The following BRINP3 variants were observed in gnomAD, a reference collection of about 807,000 sequenced individuals.
BRINP3 encodes the protein BMP/retinoic acid-inducible neural-specific protein 3.
BRINP3 carries 19 observed loss-of-function variants against 71.0 expected under a neutral mutation model. That is an observed-to-expected ratio of 0.27 (90% confidence interval 0.19 to 0.39). The LOEUF (loss-of-function observed/expected upper bound fraction) is 0.39, where lower values mean the gene tolerates loss of function less well. Among genes scored for constraint, BRINP3 ranks in the 10% least tolerant of loss-of-function variants. The probability of loss-of-function intolerance (pLI) is 1.00; values close to 1 mark genes in which losing one functional copy is unlikely to be tolerated. For missense variants in BRINP3, 959 were observed against 940.8 expected, an observed-to-expected ratio of 1.02 and a Z score of -0.25; for synonymous variants, 380 against 337.7, an observed-to-expected ratio of 1.13 and a Z score of -1.37.
At chr1:190,156,548 T>C (rs1373651766) in intron 7 of BRINP3, among the ~76,000 whole-genome samples, 2 of 151,966 alleles carry the variant, frequency 1.3e-5, no homozygotes, top group African/African-American at 2.4e-5. Flanking sequence ...CATTTCATAT[T>C]ATTCTTTTAA....
chr1:190,362,865 A>T (rs1343803721), intron 2 of BRINP3, among the ~76,000 whole-genome samples: 1 of 152,172 alleles, frequency 6.6e-6, no homozygotes, highest in Non-Finnish European at 1.5e-5. Context: ...TTTTATTTAT[A>T]AATTACCCAG....
At chr1:190,453,891 C>T (rs1213465178) in intron 2 of BRINP3, among the ~76,000 whole-genome samples, 1 of 152,082 alleles carries the variant, frequency 6.6e-6, no homozygotes, top group African/African-American at 2.4e-5. Context: ...AAGTCTATCA[C>T]CAATAAACAA....
At chr1:190,099,295 AATACAC>A in intron 7 of BRINP3, among the ~76,000 whole-genome samples, 161 bp from the exon 8 acceptor site, 1 of 69,918 alleles carries the variant, frequency 1.4e-5, no homozygotes, top group South Asian at 5.7e-4. Flanking sequence ...TAGACTATAT[AATACAC>A]ACACACACAC....
intron 4 of BRINP3, among the ~76,000 whole-genome samples, chr1:190,240,359 A>G (rs1658945326): frequency 6.6e-6 from 1 of 152,046 alleles, no homozygotes; most frequent in Non-Finnish European, 1.5e-5. Context: ...AAAGTTTGTT[A>G]AATTTATATA....
chr1:190,164,503 A>G (rs1354312755), intron 6 of BRINP3, among the ~76,000 whole-genome samples: 3 of 152,136 alleles, frequency 2.0e-5, no homozygotes, highest in Non-Finnish European at 4.4e-5. Context: ...AATTTATATT[A>G]ATATTGTGAA....
intron 1 of BRINP3, among the ~76,000 whole-genome samples, chr1:190,455,563 G>A (rs1675931144): frequency 6.6e-6 from 1 of 152,024 alleles, no homozygotes; most frequent in Non-Finnish European, 1.5e-5. Context: ...ATGAACAGAT[G>A]TGTGTGTGTG....
chr1:190,221,334 GT>G lies in BRINP3; in HGVS notation c.961+4747del, dbSNP rs1228411238. ...TTTGTCTTTGTTGTTTCTGTTCTTAGTTTGTTATCCAAGGTAAGTTGTCTTC... is the reference window on the plus strand; with the variant it reads ...TTTGTCTTTGTTGTTTCTGTTCTTAGTTGTTATCCAAGGTAAGTTGTCTTC... On this transcript the variant is annotated intron_variant, in intron 6 of 7. Coordinates refer to ENST00000367462, the MANE Select transcript of BRINP3 (RefSeq NM_199051.3). Among the ~76,000 whole-genome samples the G allele has an allele frequency of 3.2e-4, 48 of 152,096 alleles. 2 individuals are homozygous for G. Among genetic ancestry groups the G allele is most frequent in the Non-Finnish European group, 2.9e-5 (2 of 68,014 alleles).
rs978731107 is a variant in BRINP3 at position 190,397,463 on chromosome 1, T to C, written c.236+57192A>G. Among the ~76,000 whole-genome samples, 9 of 151,994 alleles carry C rather than the reference T, an allele frequency of 5.9e-5. No individual in the cohort carries two copies. In the Admixed American group the frequency reaches 5.9e-4, roughly 10 times the overall value. ...TATTTGGACTCAGGCACTTGACTTA[T>C]TTTATCTACCCACCCTTAATTATCC... On this transcript the variant is annotated intron_variant, in intron 2 of 7. Transcript: ENST00000367462.
rs1240022967 is a variant in BRINP3 at position 190,224,459 on chromosome 1, C to T, written c.961+1623G>A. Reference sequence around the variant, plus strand: ...GCAGAAAAAATCTAGACCCCTATCTCTCACCATACACAAAAATCAAATAAA... The same window carrying T: ...GCAGAAAAAATCTAGACCCCTATCTTTCACCATACACAAAAATCAAATAAA... On this transcript the variant is annotated intron_variant, in intron 6 of 7. Coordinates refer to ENST00000367462, the MANE Select transcript of BRINP3 (RefSeq NM_199051.3). 2.0e-5 allele frequency among the ~76,000 whole-genome samples: 3 copies of T among 151,674 alleles called. No homozygotes were observed. The Admixed American group carries it at 2.0e-4, about 10-fold the overall frequency.
At chr1:190,325,233 T>C (rs985328530) in intron 2 of BRINP3, among the ~76,000 whole-genome samples, 3 of 151,956 alleles carry the variant, frequency 2.0e-5, no homozygotes, top group African/African-American at 7.2e-5. Context: ...AAATTTTTGA[T>C]TTGATTATAA....
chr1:190,401,103 T>G (rs1184540057), intron 2 of BRINP3, among the ~76,000 whole-genome samples: 1 of 152,068 alleles, frequency 6.6e-6, no homozygotes, highest in Non-Finnish European at 1.5e-5. Flanking sequence ...ACCCCTGTAA[T>G]CCCAGCACTT....
rs1012675941 is a variant in BRINP3 at position 190,179,106 on chromosome 1, C to T, written c.962-18216G>A. Among the ~76,000 whole-genome samples, 4 of 152,076 alleles carry T rather than the reference C, an allele frequency of 2.6e-5. 1 individual carries two copies. Among genetic ancestry groups the T allele is most frequent in the Admixed American group, 6.6e-5 (1 of 15,244 alleles). ...GTAGATTTGCCAGGTGCAGCACTAGCAGGAGGCCCTTAATATATTTAAGTT... is the reference window on the plus strand; with the variant it reads ...GTAGATTTGCCAGGTGCAGCACTAGTAGGAGGCCCTTAATATATTTAAGTT... On this transcript the variant is annotated intron_variant, in intron 6 of 7. Coordinates refer to ENST00000367462, the MANE Select transcript of BRINP3 (RefSeq NM_199051.3).
intron 2 of BRINP3, among the ~76,000 whole-genome samples, chr1:190,439,950 C>T (rs1412694697): frequency 6.6e-6 from 1 of 151,664 alleles, no homozygotes; most frequent in Non-Finnish European, 1.5e-5. Flanking sequence ...TTAGTTTTCA[C>T]AGAACAATAC....
chr1:190,176,396 G>T (rs1652509962), intron 6 of BRINP3, among the ~76,000 whole-genome samples: 1 of 152,228 alleles, frequency 6.6e-6, no homozygotes, highest in Non-Finnish European at 1.5e-5. Context: ...ATTAATGTTG[G>T]AGGAATAGAA....
intron 2 of BRINP3, among the ~76,000 whole-genome samples, chr1:190,374,151 A>T (rs1571891133): frequency 6.6e-6 from 1 of 152,162 alleles, no homozygotes; most frequent in East Asian, 2.0e-4. Context: ...GTGTATGTAC[A>T]CATACATATG....
At chr1:190,167,157 A>C (rs530365795) in intron 6 of BRINP3, among the ~76,000 whole-genome samples, 1 of 152,140 alleles carries the variant, frequency 6.6e-6, no homozygotes, top group African/African-American at 2.4e-5. Flanking sequence ...AAATCCCTGA[A>C]TTTATCCGAT....
chr1:190,251,755 T>C (rs976411550), intron 4 of BRINP3, among the ~76,000 whole-genome samples: 1 of 151,900 alleles, frequency 6.6e-6, no homozygotes, highest in African/African-American at 2.4e-5. Context: ...AAGATGTTTT[T>C]TGCATTTCAC....
chr1:190,199,002 G>A (rs1486773511), intron 6 of BRINP3, among the ~76,000 whole-genome samples: 1 of 144,662 alleles, frequency 6.9e-6, no homozygotes, highest in Non-Finnish European at 1.5e-5. Context: ...GGGGCTTGAT[G>A]GATTCACAGT....
chr1:190,332,629 T>C (rs2103084410), intron 2 of BRINP3, among the ~76,000 whole-genome samples: 1 of 152,146 alleles, frequency 6.6e-6, no homozygotes, highest in Middle Eastern at 3.4e-3. Context: ...TGCTTTCTTT[T>C]ATTCATATGT....
Sources: gnomAD v4.1 joint callset for allele counts (sites outside exome capture counted in the v4.1 genomes callset) on GRCh38, gnomAD v4.1.1 for gene constraint, MANE v1.5 for transcripts, NCBI Gene and HGNC (gene_info 2026-07-23, HGNC 2026-07-21) for gene names.